The following NACAD variants were observed in gnomAD, a reference collection of about 807,000 sequenced individuals.
NACAD encodes NAC-alpha domain-containing protein 1.
A neutral mutation model predicts 98.9 loss-of-function variants in NACAD; 47 were observed. The ratio of observed to expected loss-of-function variants is 0.48; its 90% CI spans 0.38 to 0.61. NACAD has a LOEUF of 0.61. Among genes scored for constraint, NACAD ranks in the 20% least tolerant of loss-of-function variants. NACAD has a pLI of 0.00. For missense variants in NACAD, 1,412 were observed against 1,748.2 expected, an observed-to-expected ratio of 0.81 and a Z score of 3.43; for synonymous variants, 696 against 767.2, an observed-to-expected ratio of 0.91 and a Z score of 1.53.
rs1328533940 is a variant in NACAD, at chr7:45,088,118, C to T, written c.67+710G>A. Among the ~76,000 whole-genome samples, 2 of 152,304 alleles carry T rather than the reference C, an allele frequency of 1.3e-5. No individual in the cohort carries two copies. Among genetic ancestry groups the T allele is most frequent in the East Asian group, 3.9e-4 (2 of 5,178 alleles). On this transcript the variant is annotated intron_variant, in intron 1 of 7. Coordinates refer to ENST00000490531, the MANE Select transcript of NACAD (RefSeq NM_001146334.2). This position sits in a 1 kb window ranked among gnomAD's most constrained non-coding sequence, Gnocchi z 5.7. ...ACAGCAAGGTGCCCTTGGCCCTACC[C>T]ACACATGGCTGACCTCCACGCCAGG...
rs1784430280 is a variant in NACAD, at chr7:45,081,545, C to T, written c.4257+56G>A. 2.2e-5 allele frequency: 34 copies of T among 1,540,550 alleles called. 1 individual carries two copies. Among genetic ancestry groups the T allele is most frequent in the Admixed American group, 1.6e-4 (8 of 50,952 alleles). On this transcript the variant is annotated intron_variant, in intron 4 of 7. Coordinates refer to ENST00000490531, the MANE Select transcript of NACAD (RefSeq NM_001146334.2). ...TGGAGTGTGAGGGTCTTGGTAAGGA[C>T]GTTCCCCACACAGATGGTCCCAGGC... is the stretch of plus-strand genomic sequence containing the variant.
In NACAD at chr7:45,085,315, CCCA is replaced by C. The variant is rs1460349592; in HGVS notation, c.862_864del (p.Trp288del). ...AGGTCGAAGAAGTGGCCCTCCTGGC[CCCA>C]GGAGGAGCTGCTGTCTGCAGAGAGG... On this transcript the variant is annotated inframe_deletion, in exon 2 of 8. Transcript: ENST00000490531. This position sits in a 1 kb window ranked among gnomAD's most constrained non-coding sequence, Gnocchi z 6.1. 14 of 1,550,908 alleles carry C rather than the reference CCCA, an allele frequency of 9.0e-6. No homozygotes were observed. In the African/African-American group the frequency reaches 1.9e-4, roughly 21 times the overall value.
In NACAD at chr7:45,084,848, G is replaced by A. The variant is rs1784487261; in HGVS notation, c.1332C>T (p.Ala444=). ...LQAQDGTVSW[A]VEAAPQTSDR... is the part of the protein sequence containing the mutation. ...CTGAGGTCTGAGGAGCAGCCTCCAC[G>A]GCCCAGGACACAGTCCCATCCTGAG... Residue 444 remains alanine (A), a synonymous_variant, in exon 2 of 8, where the codon GCC becomes GCT. Transcript: ENST00000490531. 8.4e-6 allele frequency: 13 copies of A among 1,550,774 alleles called. No individual in the cohort carries two copies. The highest frequency in any genetic ancestry group is 2.4e-5 in the East Asian group (1 of 40,894).
At position 45,082,432 on chromosome 7, in the gene NACAD, G is replaced by A; in HGVS notation, c.3748C>T (p.Leu1250=). The change falls in exon 2 of 8, where the codon CTG becomes TTG. Residue 1250 remains leucine (L), a synonymous_variant. Coordinates refer to ENST00000490531, the MANE Select transcript of NACAD (RefSeq NM_001146334.2). This position sits in a 1 kb window ranked among gnomAD's most constrained non-coding sequence, Gnocchi z 4.5. ...LPPLEPPAPC[L]CQDPQEDSVE... The stretch of plus-strand genomic sequence containing the variant: ...GAGTCTTCCTGGGGGTCCTGGCACA[G>A]GCAGGGGGCTGGGGGCTCCAGTGGG... The A allele has an allele frequency of 1.3e-6, 2 of 1,548,954 alleles. No homozygotes were observed. Among genetic ancestry groups the A allele is most frequent in the Admixed American group, 3.9e-5 (2 of 50,896 alleles).
In NACAD at chr7:45,082,016, C is replaced by G; in HGVS notation, c.4072+92G>C. Reference sequence around the variant, plus strand: ...TGTGGGGTCTGGGCCCCCCACCTCGCCACCTCAGAGGCCCTCCAGCTCAGG... The same window carrying G: ...TGTGGGGTCTGGGCCCCCCACCTCGGCACCTCAGAGGCCCTCCAGCTCAGG... On this transcript the variant is annotated intron_variant, in intron 2 of 7. Transcript: ENST00000490531. The surrounding 1 kb of genome is among the most constrained non-coding windows in gnomAD (Gnocchi z 4.5). The G allele has an allele frequency of 6.8e-7, 1 of 1,464,764 alleles. No homozygotes were observed. Among genetic ancestry groups the G allele is most frequent in the Non-Finnish European group, 9.0e-7 (1 of 1,105,070 alleles). The allele number at this position is 1,464,764 out of a possible 1,614,324, so 90.7% of individuals were successfully genotyped here. A position where few individuals can be genotyped will look rare whatever the true frequency, so the allele number is the denominator to read the frequency against.
Position 45,082,803 on chromosome 7 carries a change from T to C in NACAD, c.3377A>G (p.Glu1126Gly), listed in dbSNP as rs1784454111. Residue 1126 changes from glutamate (E) to glycine (G), a missense_variant, in exon 2 of 8, where the codon GAA (glutamate) becomes GGA (glycine). Glu to Gly is a moderately conservative substitution (Grantham distance 98). Transcript: ENST00000490531. This position sits in a 1 kb window ranked among gnomAD's most constrained non-coding sequence, Gnocchi z 4.5. Reference protein sequence around the residue: ...QARLLSPAREERGLSGKSTPE... With the variant: ...QARLLSPAREGRGLSGKSTPE... Reference sequence around the variant, plus strand: ...GGTGGACTTGCCACTCAGGCCTCTTTCCTCCCTGGCTGGGCTCAGGAGCCG... The same window carrying C: ...GGTGGACTTGCCACTCAGGCCTCTTCCCTCCCTGGCTGGGCTCAGGAGCCG... The C allele has an allele frequency of 6.5e-7, 1 of 1,549,678 alleles. No individual in the cohort carries two copies.
intron 1 of NACAD, among the ~76,000 whole-genome samples, chr7:45,087,313 C>T (rs1784535964): frequency 6.6e-6 from 1 of 152,258 alleles, no homozygotes; most frequent in African/African-American, 2.4e-5. Flanking sequence ...CCTGTGTGCT[C>T]TAAATGCTCA....
At position 45,085,774 on chromosome 7, in the gene NACAD, G is replaced by T. The variant is rs564116904; in HGVS notation, c.406C>A (p.Arg136=). The T allele has an allele frequency of 7.4e-5, 115 of 1,546,470 alleles. No homozygotes were observed. Among genetic ancestry groups the T allele is most frequent in the Admixed American group, 1.6e-4 (8 of 50,622 alleles). ...CQALLSPRAA[R]TALRDQEGGH... ...CCCTCCTGGTCCCTGAGCGCTGTCC[G>T]GGCAGCTCTGGGTGACAGGAGGGCC... The change falls in exon 2 of 8, where the codon CGG becomes AGG. Residue 136 remains arginine, a synonymous_variant. Coordinates refer to ENST00000490531, the MANE Select transcript of NACAD (RefSeq NM_001146334.2). This position sits in a 1 kb window ranked among gnomAD's most constrained non-coding sequence, Gnocchi z 6.1.
rs762089173 is a variant in NACAD at position 45,085,017 on chromosome 7, G to A, written c.1163C>T (p.Ser388Phe). The A allele has an allele frequency of 1.4e-5, 22 of 1,550,796 alleles. No individual in the cohort carries two copies. The highest frequency in any genetic ancestry group is 1.8e-5 in the Non-Finnish European group (21 of 1,146,872). Reference sequence around the variant, plus strand: ...GTAGGAGGCTGAGTCTGAATCAGAGGAGGCTGCAGAGGTGTCGTCCCGGAA... The same window carrying A: ...GTAGGAGGCTGAGTCTGAATCAGAGAAGGCTGCAGAGGTGTCGTCCCGGAA... ...FAFRDDTSAA[S>F]SDSDSASYAE... Residue 388 changes from serine (S) to phenylalanine (F), a missense_variant, in exon 2 of 8, where the codon TCC becomes TTC. Coordinates refer to ENST00000490531, the MANE Select transcript of NACAD (RefSeq NM_001146334.2). This position sits in a 1 kb window ranked among gnomAD's most constrained non-coding sequence, Gnocchi z 6.1.
At position 45,084,509 on chromosome 7, in the gene NACAD, C is replaced by A. The variant is rs1191952061; in HGVS notation, c.1671G>T (p.Leu557Phe). The A allele has an allele frequency of 6.4e-7, 1 of 1,552,258 alleles. No individual in the cohort carries two copies. ...PTPQEETSLTLCPDSPQNLKE... is the reference protein window; with the variant it reads ...PTPQEETSLTFCPDSPQNLKE... Reference sequence around the variant, plus strand: ...TCAAGTTCTGAGGAGAGTCTGGACACAATGTGAGGCTTGTTTCTTCCTGTG... The same window carrying A: ...TCAAGTTCTGAGGAGAGTCTGGACAAAATGTGAGGCTTGTTTCTTCCTGTG... Residue 557 changes from leucine to phenylalanine, a missense_variant, in exon 2 of 8, where the codon TTG (leucine) becomes TTT (phenylalanine). Physicochemically the swap from Leu to Phe is conservative, Grantham distance 22. Around this residue, in one of 5 missense-constraint regions of NACAD, gnomAD observed 638 missense variants for 722.7 expected, o/e 0.88. Transcript: ENST00000490531.
chr7:45,081,429 A>G (rs1000210695), intron 4 of NACAD, 166 bp from the exon 5 acceptor site: 14 of 1,236,870 alleles, frequency 1.1e-5, no homozygotes, highest in Non-Finnish European at 1.5e-5. Context: ...GGGCCTTCTC[A>G]TGACATTCCA....
intron 1 of NACAD, 22 bp from the exon 2 acceptor site, chr7:45,086,134 T>G: frequency 7.8e-6 from 12 of 1,533,194 alleles, no homozygotes; most frequent in Non-Finnish European, 1.0e-5. Flanking sequence ...GAGAAGATCA[T>G]GAGGTGCCCC....
In NACAD at chr7:45,085,937, C is replaced by T. The variant is rs927866539; in HGVS notation, c.243G>A (p.Ser81=). 1.4e-4 allele frequency: 213 copies of T among 1,540,410 alleles called. No individual in the cohort carries two copies. Among genetic ancestry groups the T allele is most frequent in the Non-Finnish European group, 1.7e-4 (198 of 1,142,614 alleles). Residue 81 remains serine, a synonymous_variant, in exon 2 of 8, where the codon TCG becomes TCA. Transcript: ENST00000490531. The surrounding 1 kb of genome is among the most constrained non-coding windows in gnomAD (Gnocchi z 6.1). ...SWDAGPGGAP[S]AWADPGEGGP... Reference sequence around the variant, plus strand: ...CGCCCTCCCCTGGGTCCGCCCAGGCCGAGGGTGCCCCACCAGGCCCTGCAT... The same window carrying T: ...CGCCCTCCCCTGGGTCCGCCCAGGCTGAGGGTGCCCCACCAGGCCCTGCAT...
chr7:45,085,534 G>T lies in NACAD; in HGVS notation c.646C>A (p.Pro216Thr). 6.4e-7 allele frequency: 1 copy of T among 1,550,626 alleles called. No homozygotes were observed. Among genetic ancestry groups the T allele is most frequent in the South Asian group, 1.2e-5 (1 of 84,002 alleles). Residue 216 changes from proline (P) to threonine (T), a missense_variant, in exon 2 of 8, where the codon CCC (proline) becomes ACC (threonine). Physicochemically the swap from Pro to Thr is conservative, Grantham distance 38. Coordinates refer to ENST00000490531, the MANE Select transcript of NACAD (RefSeq NM_001146334.2). The surrounding 1 kb of genome is among the most constrained non-coding windows in gnomAD (Gnocchi z 6.1). ...TCGGCCGTAATGTAGGAGCCCGAGG[G>T]TGAGGCGGGGGGCGAGTCCAGCAGC... is the stretch of plus-strand genomic sequence containing the variant. ...DELLDSPPAS[P>T]SGSYITADGD... is the part of the protein sequence containing the mutation.
chr7:45,081,449 G>T (rs1032303421), intron 4 of NACAD, 152 bp downstream of exon 4: 1 of 1,246,810 alleles, frequency 8.0e-7, no homozygotes, highest in Non-Finnish European at 1.1e-6. Flanking sequence ...AGCCTCAGCT[G>T]TTTAGGGGAA....
rs1157975698 is a variant in NACAD at position 45,085,541 on chromosome 7, G to C, written c.639C>G (p.Pro213=). 6.5e-7 allele frequency: 1 copy of C among 1,550,310 alleles called. No homozygotes were observed. The highest frequency in any genetic ancestry group is 8.7e-7 in the Non-Finnish European group (1 of 1,146,844). The part of the protein sequence containing the change: ...ELRDELLDSP[P]ASPSGSYITA... ...TAATGTAGGAGCCCGAGGGTGAGGC[G>C]GGGGGCGAGTCCAGCAGCTCATCCC... is the stretch of plus-strand genomic sequence containing the variant. Residue 213 remains proline, a synonymous_variant, in exon 2 of 8, where the codon CCC becomes CCG. Coordinates refer to ENST00000490531, the MANE Select transcript of NACAD (RefSeq NM_001146334.2). This position sits in a 1 kb window ranked among gnomAD's most constrained non-coding sequence, Gnocchi z 6.1.
rs1045295787 is a variant in NACAD, at chr7:45,082,576, C to T, written c.3604G>A (p.Gly1202Ser). ...TCTGGGGGCTGCAGCAAGGGGGTGCCAAGGACACTGGGTACTTCGTGGGGT... is the reference window on the plus strand; with the variant it reads ...TCTGGGGGCTGCAGCAAGGGGGTGCTAAGGACACTGGGTACTTCGTGGGGT... ...EQPHEVPSVLGTPLLQPPENL... is the reference protein window; with the variant it reads ...EQPHEVPSVLSTPLLQPPENL... Residue 1202 changes from glycine to serine, a missense_variant, in exon 2 of 8, where the codon GGC becomes AGC. By Grantham distance (56) the Gly-to-Ser change is moderately conservative. Coordinates refer to ENST00000490531, the MANE Select transcript of NACAD (RefSeq NM_001146334.2). This position sits in a 1 kb window ranked among gnomAD's most constrained non-coding sequence, Gnocchi z 4.5. 1.3e-6 allele frequency: 2 copies of T among 1,545,254 alleles called. No homozygotes were observed. The highest frequency in any genetic ancestry group is 2.7e-5 in the African/African-American group (2 of 73,082).
Position 45,083,048 on chromosome 7 carries a change from G to A in NACAD, c.3132C>T (p.Ala1044=). The change falls in exon 2 of 8, where the codon GCC becomes GCT. Residue 1044 remains alanine, a synonymous_variant. Coordinates refer to ENST00000490531, the MANE Select transcript of NACAD (RefSeq NM_001146334.2). ...ASGAGEEIAE[A]LSRPGREACL... ...ATGCTTCCCGTCCAGGCCTAGAAAG[G>A]GCTTCTGCTATTTCCTCCCCAGCAC... 6.4e-7 allele frequency: 1 copy of A among 1,550,920 alleles called. No homozygotes were observed. The highest frequency in any genetic ancestry group is 8.7e-7 in the Non-Finnish European group (1 of 1,146,994).
intron 1 of NACAD, 23 bp from the exon 2 acceptor site, chr7:45,086,135 G>A: frequency 6.5e-7 from 1 of 1,533,496 alleles, no homozygotes; most frequent in Non-Finnish European, 8.7e-7. Flanking sequence ...AGAAGATCAT[G>A]AGGTGCCCCT....
Sources: allele counts gnomAD v4.1 joint callset (sites outside exome capture counted in the v4.1 genomes callset), GRCh38; gene constraint gnomAD v4.1.1; regional missense constraint gnomAD v4.1.1; non-coding constraint Gnocchi (gnomAD v3.1); transcripts MANE v1.5; gene names NCBI Gene and HGNC (gene_info 2026-07-23, HGNC 2026-07-21).